KIF6: variants seen among roughly 807,000 people sequenced by gnomAD.
The protein encoded by KIF6 is kinesin family member 6, also known as kinesin-like protein KIF6.
Under a neutral mutation model 112.7 loss-of-function variants are expected in KIF6, and 106 were observed. That is an observed-to-expected ratio of 0.94 (90% CI 0.80 to 1.11). The LOEUF is 1.11. Ranked by LOEUF, KIF6 falls within the 50% of genes least tolerant of loss-of-function variation. The probability of loss-of-function intolerance (pLI) is 0.00; values close to 1 mark genes in which losing one functional copy is unlikely to be tolerated. For synonymous variants in KIF6, 339 were observed against 339.9 expected (o/e 1.00, Z 0.03); for missense variants, 929 against 964.0 (o/e 0.96, Z 0.48).
At chr6:39,492,000 T>A (rs1775505905) in intron 13 of KIF6, among the ~76,000 whole-genome samples, 1 of 152,106 alleles carries the variant, frequency 6.6e-6, no homozygotes, top group African/African-American at 2.4e-5. Flanking sequence ...TTTTAAAGGA[T>A]CCGGAACAGC....
At chr6:39,540,470 T>A (rs1778726612) in intron 12 of KIF6, among the ~76,000 whole-genome samples, 1 of 152,216 alleles carries the variant, frequency 6.6e-6, no homozygotes, top group African/African-American at 2.4e-5. Flanking sequence ...TTAAACCAGG[T>A]ACATCTTAAC....
At chr6:39,575,437 AT>A (rs774919397) in intron 10 of KIF6, among the ~76,000 whole-genome samples, 11 of 151,308 alleles carry the variant, frequency 7.3e-5, no homozygotes, top group East Asian at 1.9e-4. Flanking sequence ...CACCCGGCTA[AT>A]TTTTTTGTAT....
rs550617354 is a variant in KIF6, at chr6:39,496,476, C to T, written c.1645+43527G>A. On this transcript the variant is annotated intron_variant, in intron 13 of 22. Coordinates refer to ENST00000287152, the MANE Select transcript of KIF6 (RefSeq NM_145027.6). ...ACCCCTGTGAGGGCATAAGTAACTT[C>T]CTTTTTTCCTTGAGTGGCAGAGTCC... Among the ~76,000 whole-genome samples the T allele has an allele frequency of 3.3e-5, 5 of 152,256 alleles. No individual in the cohort carries two copies. The South Asian group carries it at 1.0e-3, about 32-fold the overall frequency.
At chr6:39,656,727 A>C (rs765191431) in intron 3 of KIF6, among the ~76,000 whole-genome samples, 37 of 152,118 alleles carry the variant, frequency 2.4e-4, no homozygotes, top group African/African-American at 5.8e-4. Context: ...CCCCAACCAA[A>C]TTTCTTTTGT....
chr6:39,371,577 G>A (rs1293321917), intron 16 of KIF6, among the ~76,000 whole-genome samples: 1 of 152,158 alleles, frequency 6.6e-6, no homozygotes, highest in Non-Finnish European at 1.5e-5. Context: ...ACTTTTCCCT[G>A]TCTTGTCCAG....
chr6:39,723,837 T>C (rs1289225870), intron 1 of KIF6, among the ~76,000 whole-genome samples: 1 of 152,118 alleles, frequency 6.6e-6, no homozygotes, highest in Non-Finnish European at 1.5e-5. Flanking sequence ...GGCACGTGTA[T>C]ACCTACGTGA....
chr6:39,375,225 T>C (rs1328506795), intron 16 of KIF6, among the ~76,000 whole-genome samples: 1 of 152,066 alleles, frequency 6.6e-6, no homozygotes, highest in Non-Finnish European at 1.5e-5. Flanking sequence ...GAGAGGGAGA[T>C]GTTGGTCAAA....
At chr6:39,565,337 G>A (rs1780224952) in intron 10 of KIF6, among the ~76,000 whole-genome samples, 1 of 150,320 alleles carries the variant, frequency 6.7e-6, no homozygotes, top group Non-Finnish European at 1.5e-5. Context: ...GGTCTTTCTA[G>A]GCAGGCACCA....
At position 39,588,699 on chromosome 6, in the gene KIF6, A is replaced by G. The variant is rs191801327; in HGVS notation, c.847-2295T>C. Among the ~76,000 whole-genome samples the G allele has an allele frequency of 3.2e-3, 480 of 152,188 alleles. 4 individuals carry two copies. The highest frequency in any genetic ancestry group is 0.011 in the African/African-American group (449 of 41,510). ...TCCCAGATCTCACCCATTATTATTAAGGCCCCAACATCAACCCGGTTGCTC... is the reference window on the plus strand; with the variant it reads ...TCCCAGATCTCACCCATTATTATTAGGGCCCCAACATCAACCCGGTTGCTC... On this transcript the variant is annotated intron_variant, in intron 7 of 22. Transcript: ENST00000287152.
chr6:39,345,382 C>G (rs1763620001), intron 21 of KIF6, among the ~76,000 whole-genome samples: 1 of 152,228 alleles, frequency 6.6e-6, no homozygotes. Context: ...TGTCAGCTCC[C>G]TGCTCTGCTC....
intron 10 of KIF6, among the ~76,000 whole-genome samples, chr6:39,569,460 T>G (rs952915443): frequency 2.6e-5 from 4 of 152,222 alleles, no homozygotes; most frequent in Non-Finnish European, 5.9e-5. Flanking sequence ...GAATAAGTTA[T>G]CAAATTTTAG....
chr6:39,542,068 G>T (rs572898996), intron 12 of KIF6, among the ~76,000 whole-genome samples: 1 of 152,166 alleles, frequency 6.6e-6, no homozygotes. Context: ...TGAGGTCCGT[G>T]GGGGAGGGGA....
rs533905665 is a variant in KIF6, at chr6:39,360,556, G to A, written c.1947-26C>T. The A allele has an allele frequency of 1.4e-4, 234 of 1,613,886 alleles. No individual in the cohort carries two copies. In the South Asian group the frequency reaches 2.4e-3, roughly 16 times the overall value. ...CTGCGGTGGAATCGGGGAAGAGTCA[G>A]GGCACTGCTGTCTTGAAAGCACGGC... On this transcript the variant is annotated intron_variant, in intron 17 of 22. Coordinates refer to ENST00000287152, the MANE Select transcript of KIF6 (RefSeq NM_145027.6).
In KIF6 at chr6:39,496,591, G is replaced by A. The variant is rs115873824; in HGVS notation, c.1645+43412C>T. 2.6e-3 allele frequency among the ~76,000 whole-genome samples: 389 copies of A among 152,236 alleles called. 6 individuals are homozygous for A. Among genetic ancestry groups the A allele is most frequent in the South Asian group, 5.8e-3 (28 of 4,818 alleles). ...ACTACCCCCCCAACTCCATCTGCAA[G>A]CCTGAGATGGTCGTAGGGTAAGGGT... On this transcript the variant is annotated intron_variant, in intron 13 of 22. Coordinates refer to ENST00000287152, the MANE Select transcript of KIF6 (RefSeq NM_145027.6).
intron 13 of KIF6, among the ~76,000 whole-genome samples, chr6:39,522,403 C>T (rs1777449554): frequency 6.6e-6 from 1 of 152,162 alleles, no homozygotes; most frequent in African/African-American, 2.4e-5. Context: ...TCACAGTTTT[C>T]CTACCCACCT....
chr6:39,656,499 C>T (rs907457376), intron 3 of KIF6, among the ~76,000 whole-genome samples: 8 of 152,190 alleles, frequency 5.3e-5, no homozygotes, highest in Non-Finnish European at 1.2e-4. Flanking sequence ...AGGATAAGAT[C>T]CAATTTTTTC....
chr6:39,467,513 G>A lies in KIF6; in HGVS notation c.1646-36352C>T, dbSNP rs76692132. Among the ~76,000 whole-genome samples, 1,262 of 152,092 alleles carry A rather than the reference G, an allele frequency of 8.3e-3. 15 individuals carry two copies. Among genetic ancestry groups the A allele is most frequent in the African/African-American group, 0.029 (1,187 of 41,496 alleles). ...CAGGGAAAAAAAAAACACAGAGAGAGGCAGCCCTGCTAAAACCATTGTCAT... is the reference window on the plus strand; with the variant it reads ...CAGGGAAAAAAAAAACACAGAGAGAAGCAGCCCTGCTAAAACCATTGTCAT... On this transcript the variant is annotated intron_variant, in intron 13 of 22. Transcript: ENST00000287152.
intron 19 of KIF6, among the ~76,000 whole-genome samples, chr6:39,353,128 C>T (rs1488166109): frequency 1.3e-5 from 2 of 152,144 alleles, no homozygotes; most frequent in Non-Finnish European, 2.9e-5. Flanking sequence ...TTGCAAGAAT[C>T]CATCAAACTG....
At chr6:39,681,661 G>C (rs1327488414) in intron 3 of KIF6, among the ~76,000 whole-genome samples, 1 of 152,254 alleles carries the variant, frequency 6.6e-6, no homozygotes, top group Non-Finnish European at 1.5e-5. Flanking sequence ...AGGTTCACTA[G>C]ATAGATCTCA....
Sources: allele counts gnomAD v4.1 joint callset (sites outside exome capture counted in the v4.1 genomes callset), GRCh38; gene constraint gnomAD v4.1.1; transcripts MANE v1.5; gene names NCBI Gene and HGNC (gene_info 2026-07-23, HGNC 2026-07-21).